The following ATP5F1B variants were observed in gnomAD, a reference collection of about 807,000 sequenced individuals.
The protein encoded by ATP5F1B is ATP synthase F(1) complex subunit beta, mitochondrial.
A neutral mutation model predicts 45.9 loss-of-function variants in ATP5F1B; 17 were observed. The observed-to-expected ratio is 0.37, with a 90% CI of 0.25 to 0.56. The LOEUF is 0.56. Ranked by LOEUF, ATP5F1B falls within the 20% of genes least tolerant of loss-of-function variation. ATP5F1B has a pLI of 0.80. For synonymous variants in ATP5F1B, 218 were observed against 256.5 expected (o/e 0.85, Z 1.43); for missense variants, 387 against 673.2 (o/e 0.57, Z 4.70).
At chr12:56,640,508 G>A (rs1951504122) in intron 7 of ATP5F1B, among the ~76,000 whole-genome samples, 2 of 151,914 alleles carry the variant, frequency 1.3e-5, no homozygotes, top group Admixed American at 6.6e-5. Flanking sequence ...GATTATAGGC[G>A]TGAGCCACCA....
At chr12:56,638,468 A>AT in intron 9 of ATP5F1B, 45 bp from the exon 10 acceptor site, 1 of 1,439,088 alleles carries the variant, frequency 6.9e-7, no homozygotes. Context: ...AAGCGGAGGG[A>AT]TATCAACTTT....
At position 56,638,379 on chromosome 12, in the gene ATP5F1B, G is replaced by T. The variant is rs756119132; in HGVS notation, c.1534C>A (p.Pro512Thr). ...LPEQAFYMVGPIEEAVAKADK... is the reference protein window; with the variant it reads ...LPEQAFYMVGTIEEAVAKADK... Reference sequence around the variant, plus strand: ...GCTTTTGCCACAGCTTCTTCAATGGGTCCCACCATATAGAAGGCCTGTTCT... The same window carrying T: ...GCTTTTGCCACAGCTTCTTCAATGGTTCCCACCATATAGAAGGCCTGTTCT... The change falls in exon 10 of 10, where the codon CCC becomes ACC. Residue 512 changes from proline to threonine, a missense_variant. Physicochemically the swap from Pro to Thr is conservative, Grantham distance 38 (BLOSUM62 -1). Coordinates refer to ENST00000262030, the MANE Select transcript of ATP5F1B (RefSeq NM_001686.4). 1 of 1,613,792 alleles carries T rather than the reference G, an allele frequency of 6.2e-7. No homozygotes were observed. The highest frequency in any genetic ancestry group is 8.5e-7 in the Non-Finnish European group (1 of 1,179,968).
At position 56,644,766 on chromosome 12, in the gene ATP5F1B, A is replaced by G. The variant is rs1951537953; in HGVS notation, c.485+15T>C. 1.2e-6 allele frequency: 2 copies of G among 1,604,072 alleles called. No individual in the cohort carries two copies. Among genetic ancestry groups the G allele is most frequent in the Non-Finnish European group, 1.7e-6 (2 of 1,173,172 alleles). On this transcript the variant is annotated intron_variant, in intron 3 of 9. Transcript: ENST00000262030. ...AGAAGTTCCTTTGTGCATAGATGCA[A>G]TAAGAGCAACTTACTGTTTGGTTTT...
In ATP5F1B at chr12:56,642,864, CA is replaced by C. The variant is rs754375538; in HGVS notation, c.793-34del. 36 of 1,611,534 alleles carry C rather than the reference CA, an allele frequency of 2.2e-5. No homozygotes were observed. The East Asian group carries it at 4.7e-4, about 21-fold the overall frequency. ...AATCATACATAATCGTAAAACCTGA[CA>C]AAGGAGTAGAGAAGCCACATACTGA... On this transcript the variant is annotated intron_variant, in intron 5 of 9. Transcript: ENST00000262030.
At chr12:56,638,477 TTC>T (rs1472373736) in intron 9 of ATP5F1B, 54 bp from the exon 10 acceptor site, 1 of 1,350,612 alleles carries the variant, frequency 7.4e-7, no homozygotes, top group Non-Finnish European at 1.0e-6. Context: ...GATATCAACT[TTC>T]TGCATCATGT....
chr12:56,645,486 C>A, intron 1 of ATP5F1B, 133 bp from the exon 2 acceptor site: 1 of 1,095,500 alleles, frequency 9.1e-7, no homozygotes, highest in African/African-American at 1.6e-5. Context: ...GAACGCGTGT[C>A]CAAGAGGGAA....
At chr12:56,641,547 T>A (rs1359441746) in intron 7 of ATP5F1B, among the ~76,000 whole-genome samples, 2 of 145,818 alleles carry the variant, frequency 1.4e-5, no homozygotes, top group African/African-American at 2.5e-5. Flanking sequence ...ATGCAGTAAA[T>A]TTTTTTTTTT....
rs750674096 is a variant in ATP5F1B at position 56,639,188 on chromosome 12, C to T, written c.1407G>A (p.Gln469=). 6.2e-7 allele frequency: 1 copy of T among 1,613,902 alleles called. No individual in the cohort carries two copies. The part of the protein sequence containing the change: ...KIQRFLSQPF[Q]VAEVFTGHMG... Reference sequence around the variant, plus strand: ...TATGACCTGTGAAGACCTCAGCAACCTGGAATGGCTGAGACAAGAAACGCT... The same window carrying T: ...TATGACCTGTGAAGACCTCAGCAACTTGGAATGGCTGAGACAAGAAACGCT... The change falls in exon 9 of 10, where the codon CAG becomes CAA. Residue 469 remains glutamine (Q), a synonymous_variant. Transcript: ENST00000262030.
chr12:56,643,165 C>A, intron 5 of ATP5F1B: 1 of 487,534 alleles, frequency 2.1e-6, no homozygotes, highest in Non-Finnish European at 3.5e-6. Flanking sequence ...AAAAGAAAAC[C>A]TGGAAATGTT....
Position 56,645,884 on chromosome 12 carries a change from G to C in ATP5F1B, c.80C>G (p.Pro27Arg), listed in dbSNP as rs779025464. The change falls in exon 1 of 10, where the codon CCC becomes CGC. Residue 27 changes from proline (P) to arginine (R), a missense_variant. This residue lies in a region of ATP5F1B where 76 missense variants were observed against 62.0 expected (regional missense o/e 1.23). Transcript: ENST00000262030. ...LRRLTPSASL[P>R]PAQLLLRAAP... ...GGCCCGCAGTAAGAGCTGAGCTGGGGGCAGCGACGCTGAAGGGGTGAGTCT... is the reference window on the plus strand; with the variant it reads ...GGCCCGCAGTAAGAGCTGAGCTGGGCGCAGCGACGCTGAAGGGGTGAGTCT... The C allele has an allele frequency of 6.2e-7, 1 of 1,608,438 alleles. No homozygotes were observed. The highest frequency in any genetic ancestry group is 8.5e-7 in the Non-Finnish European group (1 of 1,177,834).
chr12:56,640,190 A>G lies in ATP5F1B; in HGVS notation c.1077T>C (p.Ala359=). ...TKKGSITSVQ[A]IYVPADDLTD... ...TCAAGTCATCAGCAGGCACATAGAT[A>G]GCCTAAAGTGAGATCCCATGAAGAA... is the stretch of plus-strand genomic sequence containing the variant. Residue 359 remains alanine, a splice_region_variant and synonymous_variant, in exon 8 of 10, where the codon GCT becomes GCC. Coordinates refer to ENST00000262030, the MANE Select transcript of ATP5F1B (RefSeq NM_001686.4). 1 of 1,613,278 alleles carries G rather than the reference A, an allele frequency of 6.2e-7. No homozygotes were observed. Among genetic ancestry groups the G allele is most frequent in the Non-Finnish European group, 8.5e-7 (1 of 1,179,632 alleles).
rs773895450 is a variant in ATP5F1B at position 56,638,319 on chromosome 12, C to A, written c.*4G>T. ...AGAGAGACAGTACAGAGGACAAAGA[C>A]CCCTCACGATGAATGCTCTTCAGCC... On this transcript the variant is annotated 3_prime_UTR_variant, in exon 10 of 10. Coordinates refer to ENST00000262030, the MANE Select transcript of ATP5F1B (RefSeq NM_001686.4). 6.2e-7 allele frequency: 1 copy of A among 1,612,406 alleles called. No homozygotes were observed. Among genetic ancestry groups the A allele is most frequent in the South Asian group, 1.1e-5 (1 of 91,038 alleles).
chr12:56,643,787 T>A, intron 4 of ATP5F1B, 50 bp downstream of exon 4: 1 of 1,609,810 alleles, frequency 6.2e-7, no homozygotes, highest in Non-Finnish European at 8.5e-7. Flanking sequence ...ATTGTATGAG[T>A]TTTTCCTCCC....
chr12:56,639,330 G>A, intron 8 of ATP5F1B, 23 bp from the exon 9 acceptor site: 2 of 1,592,954 alleles, frequency 1.3e-6, no homozygotes, highest in Middle Eastern at 2.1e-4. Context: ...AGAAGACTGA[G>A]TTAAGTATTC....
intron 7 of ATP5F1B, among the ~76,000 whole-genome samples, chr12:56,640,514 C>A (rs1463967782): frequency 6.6e-6 from 1 of 152,002 alleles, no homozygotes; most frequent in East Asian, 1.9e-4. Context: ...AGGCGTGAGC[C>A]ACCACGCCCA....
chr12:56,640,871 A>G (rs1426314771), intron 7 of ATP5F1B, among the ~76,000 whole-genome samples: 4 of 65,910 alleles, frequency 6.1e-5, no homozygotes, highest in African/African-American at 2.2e-4. Flanking sequence ...GGTCTCTACT[A>G]AAAAAAAAAA....
chr12:56,640,762 G>A (rs560395901), intron 7 of ATP5F1B, among the ~76,000 whole-genome samples: 29 of 151,750 alleles, frequency 1.9e-4, no homozygotes, highest in African/African-American at 6.3e-4. Flanking sequence ...ACAAGAGGCT[G>A]GGGGCCAGGC....
intron 3 of ATP5F1B, among the ~76,000 whole-genome samples, chr12:56,644,529 T>G (rs181609950): frequency 3.9e-5 from 6 of 152,072 alleles, no homozygotes; most frequent in Admixed American, 1.3e-4. Context: ...GAGAATCACT[T>G]GAACCCAGGA....
chr12:56,642,947 T>C, intron 5 of ATP5F1B, 116 bp from the exon 6 acceptor site: 1 of 1,201,824 alleles, frequency 8.3e-7, no homozygotes, highest in South Asian at 1.6e-5. Context: ...GTCAGCGTTT[T>C]TGTGTGCAAG....
Sources: gnomAD v4.1 joint callset for allele counts (sites outside exome capture counted in the v4.1 genomes callset) on GRCh38, gnomAD v4.1.1 for gene constraint, gnomAD v4.1.1 regional missense constraint, MANE v1.5 for transcripts, NCBI Gene and HGNC (gene_info 2026-07-23, HGNC 2026-07-21) for gene names.